Variants in HDAC8 observed in about 807,000 individuals in gnomAD.
HDAC8 encodes histone deacetylase-like 1.
A neutral mutation model predicts 32.2 loss-of-function variants in HDAC8; 1 was observed. The observed-to-expected ratio is 0.03, with a 90% CI of 0.01 to 0.15. The LOEUF is 0.15. HDAC8 is among the 10% of genes least tolerant of loss of function. The probability of loss-of-function intolerance (pLI) is 1.00; values close to 1 mark genes in which losing one functional copy is unlikely to be tolerated. For missense variants in HDAC8, 117 were observed against 300.0 expected (o/e 0.39, Z 4.51); for synonymous variants, 108 against 113.9 (o/e 0.95, Z 0.33).
At chrX:72,457,601 G>A (rs1555990146) in intron 9 of HDAC8, among the ~76,000 whole-genome samples, 1 of 111,910 alleles carries the variant, frequency 8.9e-6, no homozygotes, top group African/African-American at 3.2e-5. Context: ...ATTTACATAG[G>A]ATCAAAATAA....
At chrX:72,421,521 A>G (rs1555973610) in intron 9 of HDAC8, among the ~76,000 whole-genome samples, 2 of 112,439 alleles carry the variant, frequency 1.8e-5, no homozygotes, top group Non-Finnish European at 3.8e-5. Context: ...CTACCCATGT[A>G]CCAACTTTAA....
chrX:72,423,622 G>A (rs782582934), intron 9 of HDAC8, among the ~76,000 whole-genome samples: 9 of 112,360 alleles, frequency 8.0e-5, no homozygotes, highest in Non-Finnish European at 1.5e-4. Flanking sequence ...GCTCAGCTAT[G>A]TACTGTATTA....
At chrX:72,475,770 A>C (rs1384183287) in intron 7 of HDAC8, among the ~76,000 whole-genome samples, 1 of 96,159 alleles carries the variant, frequency 1.0e-5, no homozygotes, top group African/African-American at 5.7e-5. Context: ...AACATGAAAG[A>C]AAAAAAAACA....
chrX:72,545,570 A>G (rs1227567024), intron 4 of HDAC8, among the ~76,000 whole-genome samples: 7 of 111,572 alleles, frequency 6.3e-5, no homozygotes, highest in African/African-American at 1.3e-4. Context: ...CCCCATTTCT[A>G]TAGGAATTTT....
chrX:72,351,867 C>T (rs1555949047), intron 9 of HDAC8, 29 bp from the exon 10 acceptor site: 1 of 1,050,610 alleles, frequency 9.5e-7, no homozygotes, highest in Non-Finnish European at 1.3e-6. Context: ...GGCCAAAAAA[C>T]AAATTAAGCC....
At chrX:72,438,879 G>A (rs2047033773) in intron 9 of HDAC8, among the ~76,000 whole-genome samples, 1 of 111,958 alleles carries the variant, frequency 8.9e-6, no homozygotes, top group Admixed American at 9.5e-5. Context: ...AACCAAGTTG[G>A]AAAACACTTT....
chrX:72,495,534 T>C (rs1034820880), intron 4 of HDAC8, among the ~76,000 whole-genome samples: 6 of 112,009 alleles, frequency 5.4e-5, no homozygotes, highest in Middle Eastern at 4.7e-3. Flanking sequence ...TATAACTATA[T>C]TGAACAAGAG....
At chrX:72,413,112 G>T (rs904516208) in intron 9 of HDAC8, among the ~76,000 whole-genome samples, 6 of 105,515 alleles carry the variant, frequency 5.7e-5, no homozygotes, top group East Asian at 6.0e-4. Context: ...TGTGTAACTG[G>T]TTTTTTTTTT....
chrX:72,367,717 G>C (rs1456994134), intron 9 of HDAC8, among the ~76,000 whole-genome samples: 1 of 112,456 alleles, frequency 8.9e-6, no homozygotes, highest in Non-Finnish European at 1.9e-5. Context: ...CTCTAATGAA[G>C]AGAGCAGTCA....
At chrX:72,370,670 T>C (rs1406002611) in intron 9 of HDAC8, among the ~76,000 whole-genome samples, 1 of 112,161 alleles carries the variant, frequency 8.9e-6, no homozygotes, top group Admixed American at 9.4e-5. Context: ...AAGGGGAGTT[T>C]ATTAAGTATT....
intron 10 of HDAC8, among the ~76,000 whole-genome samples, chrX:72,337,035 C>G (rs2043716078): frequency 8.9e-6 from 1 of 112,380 alleles, no homozygotes; most frequent in South Asian, 3.7e-4. Context: ...CAGGAGTGAG[C>G]TACTGCACTC....
At chrX:72,353,283 G>T (rs2044235624) in intron 9 of HDAC8, among the ~76,000 whole-genome samples, 1 of 112,077 alleles carries the variant, frequency 8.9e-6, no homozygotes, top group Non-Finnish European at 1.9e-5. Context: ...ATCCATGACA[G>T]AAAACTCTAC....
intron 4 of HDAC8, among the ~76,000 whole-genome samples, chrX:72,502,137 T>C (rs1195505616): frequency 9.0e-6 from 1 of 111,298 alleles, no homozygotes; most frequent in Non-Finnish European, 1.9e-5. Flanking sequence ...GCTGGCGAGG[T>C]TGCAGAGAAA....
chrX:72,447,640 G>A (rs2047447612), intron 9 of HDAC8, among the ~76,000 whole-genome samples: 1 of 111,944 alleles, frequency 8.9e-6, no homozygotes, highest in Admixed American at 9.5e-5. Context: ...AAGAGAGGAA[G>A]TCAAATTGTC....
At chrX:72,482,715 T>C (rs1229757600) in intron 7 of HDAC8, among the ~76,000 whole-genome samples, 1 of 111,586 alleles carries the variant, frequency 9.0e-6, no homozygotes, top group Non-Finnish European at 1.9e-5. Flanking sequence ...TGTGACAACT[T>C]TGGGGACAAT....
chrX:72,490,446 C>T (rs1324074614), intron 6 of HDAC8, among the ~76,000 whole-genome samples: 7 of 107,542 alleles, frequency 6.5e-5, no homozygotes, highest in African/African-American at 2.4e-4. Context: ...AGTTCATGTC[C>T]TTTGTAGGGA....
chrX:72,337,383 T>C (rs1445431069), intron 10 of HDAC8, among the ~76,000 whole-genome samples: 2 of 111,932 alleles, frequency 1.8e-5, no homozygotes, highest in Non-Finnish European at 3.8e-5. Context: ...ATGTGGCTAG[T>C]GGTGAGACTA....
At position 72,441,494 on chromosome X, in the gene HDAC8, A is replaced by G. The variant is rs1299126799; in HGVS notation, c.1005+20510T>C. Among the ~76,000 whole-genome samples, 4 of 112,217 alleles carry G rather than the reference A, an allele frequency of 3.6e-5. No homozygotes were observed. In the East Asian group the frequency reaches 8.4e-4, roughly 24 times the overall value. ...TGAGGGTCCTGTCTGTTAGGAGGAA[A>G]ACTAACAAACAGAAAGGACATCCAC... On this transcript the variant is annotated intron_variant, in intron 9 of 10. Coordinates refer to ENST00000373573, the MANE Select transcript of HDAC8 (RefSeq NM_018486.3).
chrX:72,426,065 A>C (rs1194147467), intron 9 of HDAC8, among the ~76,000 whole-genome samples: 1 of 111,664 alleles, frequency 9.0e-6, no homozygotes, highest in Non-Finnish European at 1.9e-5. Flanking sequence ...GTTTTTTACA[A>C]GGTTATATTT....
Sources: allele counts gnomAD v4.1 joint callset (sites outside exome capture counted in the v4.1 genomes callset), GRCh38; gene constraint gnomAD v4.1.1; transcripts MANE v1.5; gene names NCBI Gene and HGNC (gene_info 2026-07-23, HGNC 2026-07-21).